FTO: variants seen among roughly 807,000 people sequenced by gnomAD.
FTO encodes the protein FTO alpha-ketoglutarate dependent dioxygenase, also known as alpha-ketoglutarate-dependent dioxygenase FTO.
FTO carries 47 observed loss-of-function variants against 63.9 expected under a neutral mutation model. That is an observed-to-expected ratio of 0.74 (90% CI 0.58 to 0.94). The LOEUF is 0.94. Ranked by LOEUF, FTO falls within the 40% of genes least tolerant of loss-of-function variation. The pLI is 0.00. For missense variants in FTO, 562 were observed against 618.1 expected (o/e 0.91, Z 0.96); for synonymous variants, 207 against 224.4 (o/e 0.92, Z 0.69).
Position 53,774,961 on chromosome 16 carries a change from T to G in FTO, c.46-35179T>G, listed in dbSNP as rs571892967. On this transcript the variant is annotated intron_variant, in intron 1 of 8. Transcript: ENST00000471389. ...TGACTATGTTGCCTGCAGAAAAAGT[T>G]GAAACAGCAAGGTGATGGCCTCCAT... Among the ~76,000 whole-genome samples, 4 of 152,290 alleles carry G rather than the reference T, an allele frequency of 2.6e-5. No individual in the cohort carries two copies. In the East Asian group the frequency reaches 7.7e-4, roughly 29 times the overall value.
Position 54,052,997 on chromosome 16 carries a change from C to G in FTO, c.1365-58765C>G, listed in dbSNP as rs1414683541. On this transcript the variant is annotated intron_variant, in intron 8 of 8. Coordinates refer to ENST00000471389, the MANE Select transcript of FTO (RefSeq NM_001080432.3). ...GATTACAGGTGTGAGCCACTGCACC[C>G]GGCCAAGAACGTGACTTTTGATTTT... 2.6e-5 allele frequency among the ~76,000 whole-genome samples: 4 copies of G among 152,160 alleles called. No homozygotes were observed. The East Asian group carries it at 7.7e-4, about 29-fold the overall frequency.
chr16:54,003,648 G>A (rs1392751833), intron 8 of FTO, among the ~76,000 whole-genome samples: 1 of 152,098 alleles, frequency 6.6e-6, no homozygotes, highest in African/African-American at 2.4e-5. Context: ...GAGCCACTGT[G>A]CCCAACCTCC....
intron 5 of FTO, among the ~76,000 whole-genome samples, chr16:53,875,153 G>A (rs1310113386): frequency 2.1e-5 from 3 of 145,738 alleles, no homozygotes; most frequent in Admixed American, 7.0e-5. Flanking sequence ...CATCTAATAT[G>A]TGCCTTGTAT....
chr16:53,984,321 C>CCTTTTTTTT lies in FTO; in HGVS notation c.1364+50212_1364+50213insCTTTTTTTT, dbSNP rs1555500067. Among the ~76,000 whole-genome samples the CCTTTTTTTT allele has an allele frequency of 1.8e-4, 12 of 67,316 alleles. 1 individual carries two copies. Among genetic ancestry groups the CCTTTTTTTT allele is most frequent in the African/African-American group, 4.4e-4 (8 of 17,978 alleles). The allele number at this position is 67,316 out of a possible 152,430, so 44.2% of individuals were successfully genotyped here. On this transcript the variant is annotated intron_variant, in intron 8 of 8. Transcript: ENST00000471389. ...CCTCTATCCCTCCCTTGGAATGGGT[C>CCTTTTTTTT]TTTTTTTTTTTTTTTTTTTTTTTTT...
At chr16:53,746,151 G>A (rs142425194) in intron 1 of FTO, among the ~76,000 whole-genome samples, 1 of 152,184 alleles carries the variant, frequency 6.6e-6, no homozygotes, top group Non-Finnish European at 1.5e-5. Flanking sequence ...CAGCTTCCTT[G>A]CAGTTAGGTA....
chr16:53,722,266 C>T (rs1279716511), intron 1 of FTO, among the ~76,000 whole-genome samples: 1 of 152,150 alleles, frequency 6.6e-6, no homozygotes. Context: ...ATTGCTTATA[C>T]ATAGTAGTGT....
rs570822531 is a variant in FTO, at chr16:53,763,909, T to C, written c.46-46231T>C. Among the ~76,000 whole-genome samples the C allele has an allele frequency of 9.8e-5, 15 of 152,314 alleles. No individual in the cohort carries two copies. The South Asian group carries it at 2.3e-3, about 23-fold the overall frequency. On this transcript the variant is annotated intron_variant, in intron 1 of 8. Transcript: ENST00000471389. ...ATTTTATTTGTATGTTTATTATTTT[T>C]GTTACCAAAGCGATGCCCTGGAAAG...
intron 8 of FTO, among the ~76,000 whole-genome samples, chr16:53,977,861 T>C (rs1239274351): frequency 1.3e-5 from 2 of 152,004 alleles, no homozygotes; most frequent in Non-Finnish European, 2.9e-5. Flanking sequence ...GAAAGAGATA[T>C]TTATTTATTT....
intron 8 of FTO, chr16:53,994,443 C>G (rs1169663675): frequency 3.9e-5 from 6 of 152,142 alleles, no homozygotes; most frequent in South Asian, 4.1e-4. Flanking sequence ...TCACTGTGGC[C>G]TCCAACTCCT....
intron 1 of FTO, among the ~76,000 whole-genome samples, chr16:53,730,998 G>A (rs1212822104): frequency 1.3e-5 from 2 of 152,188 alleles, no homozygotes; most frequent in East Asian, 3.9e-4. Context: ...GAACAACGGA[G>A]TTAAAGATAG....
intron 8 of FTO, among the ~76,000 whole-genome samples, chr16:53,997,120 AAAAG>A (rs1278137051): frequency 7.4e-6 from 1 of 135,634 alleles, no homozygotes; most frequent in East Asian, 2.4e-4. Context: ...CTAAAGAAAA[AAAAG>A]AAAGAAAGAA....
chr16:53,720,266 A>C (rs1314126649), intron 1 of FTO, among the ~76,000 whole-genome samples: 1 of 152,138 alleles, frequency 6.6e-6, no homozygotes, highest in African/African-American at 2.4e-5. Flanking sequence ...CATCTGTAAA[A>C]TGGGGATAAT....
At chr16:53,798,258 A>C (rs1330430415) in intron 1 of FTO, among the ~76,000 whole-genome samples, 1 of 152,018 alleles carries the variant, frequency 6.6e-6, no homozygotes, top group Non-Finnish European at 1.5e-5. Flanking sequence ...ACTTTATTTT[A>C]CTTTTTCAAA....
At chr16:53,941,614 A>C (rs1418755737) in intron 8 of FTO, among the ~76,000 whole-genome samples, 2 of 152,194 alleles carry the variant, frequency 1.3e-5, no homozygotes, top group African/African-American at 4.8e-5. Flanking sequence ...TGGGAGGCTG[A>C]GGCGGGCAGA....
chr16:54,069,291 G>T (rs772027084), intron 8 of FTO, among the ~76,000 whole-genome samples: 21 of 152,114 alleles, frequency 1.4e-4, no homozygotes, highest in Admixed American at 3.9e-4. Context: ...GGCCTAAAAA[G>T]TTCCATGTTT....
intron 4 of FTO, among the ~76,000 whole-genome samples, chr16:53,852,464 C>T (rs763181648): frequency 6.6e-6 from 1 of 152,060 alleles, no homozygotes; most frequent in Admixed American, 6.6e-5. Flanking sequence ...TTAAAGTTCT[C>T]TTTCAGCCAT....
intron 1 of FTO, among the ~76,000 whole-genome samples, chr16:53,767,936 G>A (rs768026460): frequency 2.6e-5 from 4 of 152,158 alleles, no homozygotes; most frequent in Non-Finnish European, 5.9e-5. Context: ...TTGTTCATGG[G>A]GTTGATGTGA....
intron 7 of FTO, among the ~76,000 whole-genome samples, chr16:53,924,496 G>A (rs997982945): frequency 6.6e-6 from 1 of 152,130 alleles, no homozygotes; most frequent in East Asian, 1.9e-4. Context: ...TCTTTAAGGT[G>A]GGAATGAAAG....
chr16:53,786,186 T>G (rs535082767), intron 1 of FTO, among the ~76,000 whole-genome samples: 1 of 152,284 alleles, frequency 6.6e-6, no homozygotes, highest in African/African-American at 2.4e-5. Flanking sequence ...CCCTACCCCA[T>G]GCAAACACAC....
Sources: allele counts gnomAD v4.1 joint callset (sites outside exome capture counted in the v4.1 genomes callset), GRCh38; gene constraint gnomAD v4.1.1; transcripts MANE v1.5; gene names NCBI Gene and HGNC (gene_info 2026-07-23, HGNC 2026-07-21).